Variants in PGBD5 observed in about 807,000 individuals in gnomAD.
PGBD5 encodes piggyBac transposable element derived 5.
A neutral mutation model predicts 47.9 loss-of-function variants in PGBD5; 14 were observed. The ratio of observed to expected loss-of-function variants is 0.29; its 90% confidence interval spans 0.19 to 0.46. PGBD5 has a LOEUF of 0.46. PGBD5 is among the 20% of genes least tolerant of loss of function. The pLI is 1.00. For synonymous variants in PGBD5, 316 were observed against 306.3 expected (o/e 1.03, Z -0.33); for missense variants, 635 against 716.0 (o/e 0.89, Z 1.29).
At chr1:230,325,234 T>A in intron 6 of PGBD5, 76 bp downstream of exon 6, 1 of 1,070,386 alleles carries the variant, frequency 9.3e-7, no homozygotes, top group African/African-American at 1.6e-5. Context: ...AAACTAGTGA[T>A]CATCTGCCAT....
chr1:230,328,248 C>T (rs999987205), intron 5 of PGBD5, among the ~76,000 whole-genome samples: 14 of 152,174 alleles, frequency 9.2e-5, no homozygotes, highest in African/African-American at 3.4e-4. Context: ...GGGAGACCTT[C>T]TTTAACTCTT....
chr1:230,338,604 G>C (rs1054355445), intron 3 of PGBD5, among the ~76,000 whole-genome samples: 1 of 152,148 alleles, frequency 6.6e-6, no homozygotes, highest in African/African-American at 2.4e-5. Flanking sequence ...TTCGAGACCA[G>C]CCTGACCAAC....
At chr1:230,377,136 G>A (rs4846952) in intron 1 of PGBD5, among the ~76,000 whole-genome samples, 40,958 of 152,128 alleles carry the variant, frequency 0.27, 6,689 homozygotes, top group Non-Finnish European at 0.36. Context: ...ACAGCCCCTA[G>A]ATGAATGAGC....
chr1:230,331,898 G>T (rs544298370), intron 5 of PGBD5, among the ~76,000 whole-genome samples: 4 of 151,410 alleles, frequency 2.6e-5, no homozygotes, highest in African/African-American at 9.7e-5. Context: ...GGGGTCCCTT[G>T]ATCGCAATCT....
At position 230,327,765 on chromosome 1, in the gene PGBD5, G is replaced by A. The variant is rs554486903; in HGVS notation, c.1274-2350C>T. On this transcript the variant is annotated intron_variant, in intron 5 of 6. Transcript: ENST00000391860. ...GGGCCTGCAGTGCCCAAGGACTGCC[G>A]TCTCTCTCCAACGCCCCTCCTGAGG... Among the ~76,000 whole-genome samples, 12 of 152,344 alleles carry A rather than the reference G, an allele frequency of 7.9e-5. No individual in the cohort carries two copies. The South Asian group carries it at 1.9e-3, about 24-fold the overall frequency.
chr1:230,425,470 T>C lies in PGBD5; in HGVS notation c.331+128A>G, dbSNP rs1001425773. ...ACCGATCACCGCTCCTGCAGCCTCATTTGTTTCCGGAGAGACACCCACAAG... is the reference window on the plus strand; with the variant it reads ...ACCGATCACCGCTCCTGCAGCCTCACTTGTTTCCGGAGAGACACCCACAAG... On this transcript the variant is annotated intron_variant, in intron 1 of 6. Transcript: ENST00000391860. The surrounding 1 kb of genome is among the most constrained non-coding windows in gnomAD (Gnocchi z 4.7). 2.9e-5 allele frequency: 20 copies of C among 686,138 alleles called. No homozygotes were observed. The highest frequency in any genetic ancestry group is 7.5e-5 in the African/African-American group (4 of 53,242). 42.5% of individuals were successfully genotyped at this position (686,138 alleles called of 1,614,324 possible).
In PGBD5 at chr1:230,350,973, A is replaced by C; in HGVS notation, c.879T>G (p.Thr293=). 6.2e-7 allele frequency: 1 copy of C among 1,614,084 alleles called. No homozygotes were observed. Among genetic ancestry groups the C allele is most frequent in the Non-Finnish European group, 8.5e-7 (1 of 1,179,964 alleles). ...FSLWVRQCSS[T]GFIIQIYVHL... ...CAGGGCTCACCTGGATGATGAAGCC[A>C]GTGGAAGAACATTGTCTGACCCAGA... Residue 293 remains threonine, a synonymous_variant, in exon 3 of 7, where the codon ACT becomes ACG. Coordinates refer to ENST00000391860, the MANE Select transcript of PGBD5 (RefSeq NM_001258311.2).
At chr1:230,367,136 C>T (rs559839049) in intron 1 of PGBD5, among the ~76,000 whole-genome samples, 1 of 152,212 alleles carries the variant, frequency 6.6e-6, no homozygotes, top group Admixed American at 6.5e-5. Context: ...ATTGCTCCAG[C>T]TACACCCTCT....
rs1667029313 is a variant in PGBD5, at chr1:230,321,339, T to A, written c.*2086A>T. ...TTAAAAGAGTAGCCTGTATTTTTGT[T>A]CCTTCACCTTGTTTTTTTTCTTGAT... On this transcript the variant is annotated 3_prime_UTR_variant, in exon 7 of 7. Coordinates refer to ENST00000391860, the MANE Select transcript of PGBD5 (RefSeq NM_001258311.2). The A allele has an allele frequency of 6.6e-6, 1 of 152,236 alleles. No homozygotes were observed. Among genetic ancestry groups the A allele is most frequent in the Non-Finnish European group, 1.5e-5 (1 of 68,036 alleles). The allele number at this position is 152,236 out of a possible 1,614,324, so 9.4% of individuals were successfully genotyped here.
At chr1:230,384,420 C>T (rs941956048) in intron 1 of PGBD5, among the ~76,000 whole-genome samples, 4 of 151,902 alleles carry the variant, frequency 2.6e-5, no homozygotes, top group South Asian at 2.1e-4. Context: ...TGGGGAGAGA[C>T]CAACCCAGGT....
At chr1:230,358,856 G>A (rs1450163350) in intron 1 of PGBD5, among the ~76,000 whole-genome samples, 2 of 152,162 alleles carry the variant, frequency 1.3e-5, no homozygotes, top group Non-Finnish European at 2.9e-5. Flanking sequence ...TAAGTATACT[G>A]CATGATGTCT....
intron 1 of PGBD5, among the ~76,000 whole-genome samples, chr1:230,378,098 T>C (rs1360701571): frequency 6.6e-6 from 1 of 152,252 alleles, no homozygotes; most frequent in Non-Finnish European, 1.5e-5. Context: ...CTTTTACTTC[T>C]GGAATCAAGA....
chr1:230,319,803 T>A lies in PGBD5; in HGVS notation c.*3622A>T, dbSNP rs1667008896. On this transcript the variant is annotated 3_prime_UTR_variant, in exon 7 of 7. Coordinates refer to ENST00000391860, the MANE Select transcript of PGBD5 (RefSeq NM_001258311.2). ...CCTGACTTTTGAAAGATGTCCCTAG[T>A]ATAATGTCCCATGGACCACGGGAAG... The A allele has an allele frequency of 6.6e-6, 1 of 151,542 alleles. No homozygotes were observed. The highest frequency in any genetic ancestry group is 2.1e-4 in the South Asian group (1 of 4,768). The allele number at this position is 151,542 out of a possible 1,614,324, so 9.4% of individuals were successfully genotyped here.
chr1:230,401,480 C>A (rs912800368), intron 1 of PGBD5, among the ~76,000 whole-genome samples: 2 of 152,184 alleles, frequency 1.3e-5, no homozygotes, highest in Admixed American at 1.3e-4. Context: ...TAGCAAACAG[C>A]ACTAAGGAAA....
intron 3 of PGBD5, among the ~76,000 whole-genome samples, chr1:230,348,708 T>C (rs1334404074): frequency 6.6e-6 from 1 of 152,254 alleles, no homozygotes; most frequent in Non-Finnish European, 1.5e-5. Flanking sequence ...CTACGTCTCC[T>C]GGCCCCTCAC....
intron 1 of PGBD5, among the ~76,000 whole-genome samples, chr1:230,392,223 G>A (rs1315784354): frequency 1.3e-5 from 2 of 152,212 alleles, no homozygotes; most frequent in Non-Finnish European, 2.9e-5. Context: ...GGGCTGCCCT[G>A]AGAGGCATGG....
intron 5 of PGBD5, among the ~76,000 whole-genome samples, chr1:230,331,207 G>A (rs985405696): frequency 6.6e-6 from 1 of 152,052 alleles, no homozygotes; most frequent in African/African-American, 2.4e-5. Context: ...GAGGCCAGGA[G>A]TTTGAGACCA....
intron 1 of PGBD5, among the ~76,000 whole-genome samples, chr1:230,416,451 T>G (rs1378741128): frequency 1.3e-5 from 2 of 152,252 alleles, no homozygotes; most frequent in African/African-American, 4.8e-5. Context: ...TTTTACCATA[T>G]ACTGTGACCA....
At chr1:230,326,769 G>A (rs1037654607) in intron 5 of PGBD5, among the ~76,000 whole-genome samples, 3 of 152,128 alleles carry the variant, frequency 2.0e-5, no homozygotes, top group Non-Finnish European at 4.4e-5. Flanking sequence ...GCCTCCACGC[G>A]CAGCCAAAAG....
Sources: gnomAD v4.1 joint callset for allele counts (sites outside exome capture counted in the v4.1 genomes callset) on GRCh38, gnomAD v4.1.1 for gene constraint, Gnocchi (gnomAD v3.1) non-coding constraint, MANE v1.5 for transcripts, NCBI Gene and HGNC (gene_info 2026-07-23, HGNC 2026-07-21) for gene names.